The following FAM193A variants were observed in gnomAD, a reference collection of about 807,000 sequenced individuals.
FAM193A encodes family with sequence similarity 193 member A.
A neutral mutation model predicts 126.5 loss-of-function variants in FAM193A; 22 were observed. That is an observed-to-expected ratio of 0.17 (90% CI 0.12 to 0.25). The LOEUF (loss-of-function observed/expected upper bound fraction) is 0.25. Ranked by LOEUF, FAM193A falls within the 10% of genes least tolerant of loss-of-function variation. FAM193A has a pLI of 1.00. For missense variants in FAM193A, 1,675 were observed against 1,672.8 expected (o/e 1.00, Z -0.02); for synonymous variants, 761 against 646.8 (o/e 1.18, Z -2.68).
At chr4:2,571,892 G>A (rs1000374772) in intron 1 of FAM193A, among the ~76,000 whole-genome samples, 1 of 150,918 alleles carries the variant, frequency 6.6e-6, no homozygotes, top group East Asian at 2.0e-4. Context: ...AAGGCCAGGC[G>A]CTGTGGCTCA....
At chr4:2,639,974 A>G in intron 6 of FAM193A, 115 bp downstream of exon 6, 1 of 1,033,790 alleles carries the variant, frequency 9.7e-7, no homozygotes, top group Non-Finnish European at 1.4e-6. Flanking sequence ...AGGAAAAATA[A>G]CAGGGCTTAA....
intron 1 of FAM193A, among the ~76,000 whole-genome samples, chr4:2,578,788 G>T (rs936504245): frequency 6.6e-6 from 1 of 152,064 alleles, no homozygotes; most frequent in Admixed American, 6.6e-5. Flanking sequence ...AAAATAAAAT[G>T]TTATATTTAC....
In FAM193A at chr4:2,690,709, T is replaced by C. The variant is rs757864250; in HGVS notation, c.2542T>C (p.Leu848=). ...LPDTISGSEI[L]GPTLSETRPE... ...GTTCTTCTTTGAAGGGAGTGAAATATTAGGGCCAACACTCTCAGAAACAAG... is the reference window on the plus strand; with the variant it reads ...GTTCTTCTTTGAAGGGAGTGAAATACTAGGGCCAACACTCTCAGAAACAAG... Residue 848 remains leucine (L), a synonymous_variant, in exon 15 of 21, where the codon TTA becomes CTA. Transcript: ENST00000637812. 6.2e-7 allele frequency: 1 copy of C among 1,611,696 alleles called. No individual in the cohort carries two copies.
intron 2 of FAM193A, among the ~76,000 whole-genome samples, chr4:2,620,373 T>C (rs1160084230): frequency 6.6e-6 from 1 of 152,100 alleles, no homozygotes; most frequent in East Asian, 1.9e-4. Flanking sequence ...CTGGCTCTCA[T>C]GAACCATGAA....
intron 2 of FAM193A, among the ~76,000 whole-genome samples, chr4:2,602,037 C>T (rs1741229127): frequency 6.6e-6 from 1 of 151,960 alleles, no homozygotes; most frequent in Non-Finnish European, 1.5e-5. Flanking sequence ...CAGAGTTTTG[C>T]CATGTTGCCC....
At chr4:2,691,766 C>A (rs1295144176) in intron 15 of FAM193A, among the ~76,000 whole-genome samples, 2 of 132,970 alleles carry the variant, frequency 1.5e-5, no homozygotes. Context: ...ATAGTGAGAC[C>A]CCGTCTCTAA....
chr4:2,612,714 T>A (rs1741951049), intron 2 of FAM193A, among the ~76,000 whole-genome samples: 1 of 152,208 alleles, frequency 6.6e-6, no homozygotes, highest in South Asian at 2.1e-4. Flanking sequence ...TTGGGACCTT[T>A]GTCAAAAATC....
chr4:2,547,584 TAGTA>T (rs1737641567), intron 1 of FAM193A, among the ~76,000 whole-genome samples: 1 of 146,022 alleles, frequency 6.8e-6, no homozygotes, highest in African/African-American at 2.7e-5. Context: ...TTCCTGACCT[TAGTA>T]TGTGTGTGTG....
chr4:2,627,753 T>C (rs1743120680), intron 4 of FAM193A, among the ~76,000 whole-genome samples: 1 of 150,906 alleles, frequency 6.6e-6, no homozygotes, highest in African/African-American at 2.4e-5. Flanking sequence ...AATTTTTTTT[T>C]TTTTTTTGAG....
At chr4:2,675,087 C>T (rs1485551374) in intron 13 of FAM193A, among the ~76,000 whole-genome samples, 1 of 152,018 alleles carries the variant, frequency 6.6e-6, no homozygotes, top group Non-Finnish European at 1.5e-5. Flanking sequence ...ACTTTAATTC[C>T]ATTGTGATCT....
At chr4:2,537,969 G>T (rs367742135) in intron 1 of FAM193A, among the ~76,000 whole-genome samples, 1 of 152,112 alleles carries the variant, frequency 6.6e-6, no homozygotes, top group Admixed American at 6.6e-5. Flanking sequence ...TTATTCAACC[G>T]TTGGTCACAA....
chr4:2,571,567 G>A (rs1292946552), intron 1 of FAM193A, among the ~76,000 whole-genome samples: 1 of 151,668 alleles, frequency 6.6e-6, no homozygotes, highest in Non-Finnish European at 1.5e-5. Flanking sequence ...TTGACACAGA[G>A]TTTCGCTCTG....
chr4:2,691,893 A>G (rs1284127073), intron 15 of FAM193A, among the ~76,000 whole-genome samples: 1 of 152,230 alleles, frequency 6.6e-6, no homozygotes, highest in Non-Finnish European at 1.5e-5. Context: ...TCCTTCTTCT[A>G]AAAGCACACC....
intron 20 of FAM193A, among the ~76,000 whole-genome samples, chr4:2,727,103 A>C (rs984460787): frequency 1.3e-5 from 2 of 152,114 alleles, no homozygotes; most frequent in African/African-American, 4.8e-5. Context: ...TACTAAAAGT[A>C]CAAAAATTAG....
intron 1 of FAM193A, among the ~76,000 whole-genome samples, chr4:2,592,224 G>T (rs1184346745): frequency 6.6e-6 from 1 of 152,004 alleles, no homozygotes; most frequent in Non-Finnish European, 1.5e-5. Context: ...GAGTAGCTGG[G>T]ATTACAGATG....
At chr4:2,546,349 A>T (rs1284840362) in intron 1 of FAM193A, among the ~76,000 whole-genome samples, 1 of 152,102 alleles carries the variant, frequency 6.6e-6, no homozygotes, top group Admixed American at 6.6e-5. Context: ...GTAGATTCAT[A>T]TATCTACTAC....
At chr4:2,708,598 G>A (rs1381576968) in intron 19 of FAM193A, among the ~76,000 whole-genome samples, 1 of 151,816 alleles carries the variant, frequency 6.6e-6, no homozygotes, top group Non-Finnish European at 1.5e-5. Flanking sequence ...AAGTAGCTGG[G>A]ATTACAGGCG....
intron 1 of FAM193A, among the ~76,000 whole-genome samples, chr4:2,591,927 A>G (rs1319297068): frequency 2.0e-5 from 3 of 152,166 alleles, no homozygotes; most frequent in African/African-American, 7.2e-5. Context: ...TTTCAGCAAT[A>G]CTGCCATCTT....
chr4:2,656,891 G>T (rs1711752379), intron 7 of FAM193A, among the ~76,000 whole-genome samples: 1 of 152,196 alleles, frequency 6.6e-6, no homozygotes, highest in Admixed American at 6.5e-5. Flanking sequence ...GGCCAGGCGG[G>T]CACAGTGGCT....
Sources: allele counts gnomAD v4.1 joint callset (sites outside exome capture counted in the v4.1 genomes callset), GRCh38; gene constraint gnomAD v4.1.1; transcripts MANE v1.5; gene names NCBI Gene and HGNC (gene_info 2026-07-23, HGNC 2026-07-21).